The following NLRP9 variants were observed in gnomAD, a reference collection of about 807,000 sequenced individuals.
The protein encoded by NLRP9 is NLR family pyrin domain containing 9.
In NLRP9, 88 loss-of-function variants were observed where a neutral mutation model predicts 83.1. The ratio of observed to expected loss-of-function variants is 1.06; its 90% CI spans 0.89 to 1.26. NLRP9 has a LOEUF of 1.26. NLRP9 is among the 50% of genes most tolerant of loss of function. The probability of loss-of-function intolerance (pLI) is 0.00; values close to 1 mark genes in which losing one functional copy is unlikely to be tolerated. For missense variants in NLRP9, 1,308 were observed against 1,179.3 expected, an observed-to-expected ratio of 1.11 and a Z score of -1.60; for synonymous variants, 521 against 447.6, an observed-to-expected ratio of 1.16 and a Z score of -2.07.
At chr19:55,711,170 C>A (rs1987703680) in intron 8 of NLRP9, among the ~76,000 whole-genome samples, 1 of 151,718 alleles carries the variant, frequency 6.6e-6, no homozygotes, top group Admixed American at 6.6e-5. Context: ...ATAATGAATT[C>A]ATGTACTCAT....
chr19:55,713,311 T>C (rs1423811915), intron 6 of NLRP9, among the ~76,000 whole-genome samples: 6 of 151,352 alleles, frequency 4.0e-5, no homozygotes, highest in Admixed American at 3.9e-4. Context: ...AGAAAAATGG[T>C]AGATAGAGGA....
chr19:55,712,669 A>G, intron 6 of NLRP9, 79 bp from the exon 7 acceptor site: 3 of 1,245,680 alleles, frequency 2.4e-6, no homozygotes, highest in South Asian at 2.6e-5. Context: ...ATTTATTCAT[A>G]TGACGCAAGA....
rs777446577 is a variant in NLRP9, at chr19:55,716,946, T to C, written c.2160-48A>G. The C allele has an allele frequency of 2.0e-6, 3 of 1,516,484 alleles. No homozygotes were observed. The Admixed American group carries it at 5.1e-5, about 26-fold the overall frequency. 93.9% of individuals were successfully genotyped at this position (1,516,484 alleles called of 1,614,324 possible). A position where few individuals can be genotyped will look rare whatever the true frequency, so the allele number is the denominator to read the frequency against. On this transcript the variant is annotated intron_variant, in intron 4 of 8. Coordinates refer to ENST00000332836, the MANE Select transcript of NLRP9 (RefSeq NM_176820.4). ...GAGACGGACCAAAGCTTTCAATCGC[T>C]CATGAAACATTATCCACAGACCAAA...
At chr19:55,710,354 G>A (rs865833891) in intron 8 of NLRP9, among the ~76,000 whole-genome samples, 2 of 152,222 alleles carry the variant, frequency 1.3e-5, no homozygotes, top group Middle Eastern at 3.4e-3. Flanking sequence ...GGCCCTGCAG[G>A]GTACAAGGCC....
chr19:55,710,868 C>T (rs1051690743), intron 8 of NLRP9, among the ~76,000 whole-genome samples: 3 of 152,072 alleles, frequency 2.0e-5, no homozygotes, highest in Non-Finnish European at 2.9e-5. Context: ...GGTGGATCAC[C>T]TGAGGTCAGG....
chr19:55,710,828 G>T (rs1411217860), intron 8 of NLRP9, among the ~76,000 whole-genome samples: 2 of 152,144 alleles, frequency 1.3e-5, no homozygotes, highest in African/African-American at 4.8e-5. Context: ...GCTCACGCTT[G>T]TAATCCCAGC....
Position 55,709,054 on chromosome 19 carries a change from T to C in NLRP9, c.2844-10A>G, listed in dbSNP as rs773135064. Reference sequence around the variant, plus strand: ...GCCAGATTTGTGCAGCCTGGGAAAATAGAAATAAAGTTTTTTTTTTTGTTT... The same window carrying C: ...GCCAGATTTGTGCAGCCTGGGAAAACAGAAATAAAGTTTTTTTTTTTGTTT... On this transcript the variant is annotated splice_polypyrimidine_tract_variant and intron_variant, in intron 8 of 8. Transcript: ENST00000332836. The C allele has an allele frequency of 3.2e-6, 5 of 1,553,726 alleles. No individual in the cohort carries two copies. The highest frequency in any genetic ancestry group is 2.8e-5 in the African/African-American group (2 of 70,586).
chr19:55,733,918 A>AT (rs1423854158), intron 1 of NLRP9, among the ~76,000 whole-genome samples: 1 of 118,122 alleles, frequency 8.5e-6, no homozygotes, highest in Admixed American at 7.8e-5. Context: ...TTGTCAACCA[A>AT]ATTTTTTTTT....
Position 55,709,019 on chromosome 19 carries a change from C to G in NLRP9, c.2869G>C (p.Glu957Gln). The G allele has an allele frequency of 6.3e-7, 1 of 1,577,818 alleles. No individual in the cohort carries two copies. The highest frequency in any genetic ancestry group is 8.6e-7 in the Non-Finnish European group (1 of 1,168,170). Residue 957 changes from glutamate (E) to glutamine (Q), a missense_variant, in exon 9 of 9, where the codon GAA (glutamate) becomes CAA (glutamine). Coordinates refer to ENST00000332836, the MANE Select transcript of NLRP9 (RefSeq NM_176820.4). ...LGLHKSGFDEETQKILMSVEE... is the reference protein window; with the variant it reads ...LGLHKSGFDEQTQKILMSVEE... ...ACAGACATCAGGATCTTCTGAGTTT[C>G]TTCATCAAAGCCAGATTTGTGCAGC...
rs112896151 is a variant in NLRP9 at position 55,738,074 on chromosome 19, G to A, written c.280+21C>T. ...TCCCAGGCTTCCCCCATGGGTCCTC[G>A]CCCCATCATCCAGCACTTACTTCTC... On this transcript the variant is annotated intron_variant, in intron 1 of 8. Transcript: ENST00000332836. The A allele has an allele frequency of 3.6e-3, 5,748 of 1,611,942 alleles. 180 individuals carry two copies. In the African/African-American group the frequency reaches 0.066, roughly 19 times the overall value.
At chr19:55,709,191 T>C in intron 8 of NLRP9, 147 bp from the exon 9 acceptor site, 1 of 545,310 alleles carries the variant, frequency 1.8e-6, no homozygotes, top group South Asian at 3.4e-5. Flanking sequence ...AAAACAAGCA[T>C]GAATCTTTCC....
At chr19:55,733,988 T>C (rs989070079) in intron 1 of NLRP9, among the ~76,000 whole-genome samples, 1 of 143,940 alleles carries the variant, frequency 6.9e-6, no homozygotes, top group Non-Finnish European at 1.5e-5. Context: ...AGTGGCGGGA[T>C]CTCGGCTCAC....
In NLRP9 at chr19:55,716,796, C is replaced by T. The variant is rs765581307; in HGVS notation, c.2262G>A (p.Leu754=). Residue 754 remains leucine, a synonymous_variant, in exon 5 of 9, where the codon TTG becomes TTA. Coordinates refer to ENST00000332836, the MANE Select transcript of NLRP9 (RefSeq NM_176820.4). ...ACAGCAACGTCATTCCTTCGTCCCT[C>T]AAGGGATTTTCTACCAAGGAGAGGT... The part of the protein sequence containing the change: ...LKHLSLVENP[L]RDEGMTLLCE... 5.0e-6 allele frequency: 8 copies of T among 1,613,828 alleles called. No individual in the cohort carries two copies. The highest frequency in any genetic ancestry group is 6.8e-6 in the Non-Finnish European group (8 of 1,179,924).
In NLRP9 at chr19:55,716,735, T is replaced by C. The variant is rs754175247; in HGVS notation, c.2323A>G (p.Arg775Gly). Reference sequence around the variant, plus strand: ...TCCCGCAGACCAACTTACATCAGCCTCTCCAGGGCACAGTGTGAGTGCTTC... The same window carrying C: ...TCCCGCAGACCAACTTACATCAGCCCCTCCAGGGCACAGTGTGAGTGCTTC... ...ALKHSHCALE[R>G]LMLMYCCLTS... The change falls in exon 5 of 9, where the codon AGG becomes GGG. Residue 775 changes from arginine (R) to glycine (G), a missense_variant. Coordinates refer to ENST00000332836, the MANE Select transcript of NLRP9 (RefSeq NM_176820.4). 1.2e-6 allele frequency: 2 copies of C among 1,613,234 alleles called. No homozygotes were observed. Among genetic ancestry groups the C allele is most frequent in the East Asian group, 2.2e-5 (1 of 44,854 alleles).
At chr19:55,730,181 G>A (rs1988532094) in intron 2 of NLRP9, among the ~76,000 whole-genome samples, 189 bp from the exon 3 acceptor site, 1 of 152,350 alleles carries the variant, frequency 6.6e-6, no homozygotes, top group East Asian at 1.9e-4. Flanking sequence ...TGGCCAGGTA[G>A]AGTGGCTCAA....
chr19:55,714,772 T>C (rs1286404334), intron 6 of NLRP9, among the ~76,000 whole-genome samples: 2 of 152,096 alleles, frequency 1.3e-5, no homozygotes, highest in East Asian at 3.9e-4. Flanking sequence ...CACGTTCTGC[T>C]TTGGAAGTGG....
rs920198772 is a variant in NLRP9 at position 55,736,694 on chromosome 19, C to T, written c.280+1401G>A. On this transcript the variant is annotated intron_variant, in intron 1 of 8. Transcript: ENST00000332836. ...ACTAAAAATACAAAAATTAGCTGGG[C>T]GTGGTGGTGCATGCCTGTAATCCCA... is the stretch of plus-strand genomic sequence containing the variant. Among the ~76,000 whole-genome samples, 3 of 151,700 alleles carry T rather than the reference C, an allele frequency of 2.0e-5. 1 individual carries two copies. Among genetic ancestry groups the T allele is most frequent in the Admixed American group, 1.3e-4 (2 of 15,208 alleles).
intron 8 of NLRP9, chr19:55,711,419 C>G: frequency 7.7e-7 from 1 of 1,294,536 alleles, no homozygotes; most frequent in Non-Finnish European, 1.0e-6. Context: ...AGACCTTAGC[C>G]CATTCCAGAA....
chr19:55,717,633 T>C (rs967143405), intron 4 of NLRP9, among the ~76,000 whole-genome samples: 26 of 152,190 alleles, frequency 1.7e-4, no homozygotes, highest in Non-Finnish European at 3.4e-4. Flanking sequence ...AAACCCAAAC[T>C]GTGTTTTTTT....
Sources: gnomAD v4.1 joint callset for allele counts (sites outside exome capture counted in the v4.1 genomes callset) on GRCh38, gnomAD v4.1.1 for gene constraint, MANE v1.5 for transcripts, NCBI Gene and HGNC (gene_info 2026-07-23, HGNC 2026-07-21) for gene names.